The following UNC80 variants were observed in gnomAD, a reference collection of about 807,000 sequenced individuals.
UNC80 encodes protein unc-80 homolog.
Under a neutral mutation model 384.6 loss-of-function variants are expected in UNC80, and 164 were observed. The observed-to-expected ratio is 0.43, with a 90% CI of 0.38 to 0.49. The LOEUF is 0.49. Ranked by LOEUF, UNC80 falls within the 20% of genes least tolerant of loss-of-function variation. The pLI, the probability that UNC80 is intolerant of heterozygous loss-of-function variation, is 0.00. For missense variants in UNC80, 3,330 were observed against 4,143.0 expected, an observed-to-expected ratio of 0.80 and a Z score of 5.39; for synonymous variants, 1,486 against 1,527.8, an observed-to-expected ratio of 0.97 and a Z score of 0.64.
chr2:209,818,385 T>A (rs536543322), intron 11 of UNC80, among the ~76,000 whole-genome samples: 1 of 152,222 alleles, frequency 6.6e-6, no homozygotes, highest in South Asian at 2.1e-4. Context: ...TTCTTGTGTG[T>A]TTTGTGTGCA....
chr2:209,848,222 A>AT (rs1170671078), intron 21 of UNC80, among the ~76,000 whole-genome samples: 1 of 151,940 alleles, frequency 6.6e-6, no homozygotes, highest in Non-Finnish European at 1.5e-5. Flanking sequence ...TCTTTGTATC[A>AT]TTTGAGATTT....
intron 4 of UNC80, among the ~76,000 whole-genome samples, chr2:209,777,811 A>G (rs577381829): frequency 6.6e-6 from 1 of 152,200 alleles, no homozygotes; most frequent in South Asian, 2.1e-4. Flanking sequence ...CATATTAAGC[A>G]TAGAATAAAA....
chr2:209,785,204 C>T (rs931552380), intron 4 of UNC80, among the ~76,000 whole-genome samples: 4 of 152,104 alleles, frequency 2.6e-5, no homozygotes, highest in Non-Finnish European at 1.5e-5. Context: ...TAAGTGAGTT[C>T]CTGGGTCTCA....
chr2:209,916,338 G>A (rs371041053), intron 31 of UNC80, among the ~76,000 whole-genome samples: 42 of 152,304 alleles, frequency 2.8e-4, no homozygotes, highest in South Asian at 4.1e-4. Context: ...TCAAGCTGTG[G>A]AAGCAAAGGA....
intron 28 of UNC80, among the ~76,000 whole-genome samples, chr2:209,896,833 G>T (rs2086845607): frequency 1.3e-5 from 2 of 152,116 alleles, no homozygotes; most frequent in African/African-American, 4.8e-5. Flanking sequence ...ACTCTAAGAT[G>T]GTGAATGTCG....
intron 28 of UNC80, among the ~76,000 whole-genome samples, 189 bp downstream of exon 28, chr2:209,896,602 T>C (rs2086819204): frequency 6.6e-6 from 1 of 152,132 alleles, no homozygotes; most frequent in Non-Finnish European, 1.5e-5. Flanking sequence ...ATTGTACTCA[T>C]CTTAAGCTTA....
At position 209,936,897 on chromosome 2, in the gene UNC80, T is replaced by C. The variant is rs1275398565; in HGVS notation, c.6327T>C (p.Leu2109=). 2 of 1,551,124 alleles carry C rather than the reference T, an allele frequency of 1.3e-6. No individual in the cohort carries two copies. The highest frequency in any genetic ancestry group is 1.2e-5 in the South Asian group (1 of 84,050). ...IPESQSTHYF[L]MDKRWNLIHY... ...AATCCCAGTCAACACATTATTTTCT[T>C]ATGGATAAACGATGGAACCTTATCC... Residue 2109 remains leucine, a synonymous_variant, in exon 41 of 65, where the codon CTT becomes CTC. Transcript: ENST00000673920.
chr2:209,917,830 C>G lies in UNC80; in HGVS notation c.5083C>G (p.Leu1695Val), dbSNP rs2089683020. ...VKVPEAVSDMLMSEFHHPETV... is the reference protein window; with the variant it reads ...VKVPEAVSDMVMSEFHHPETV... ...GGTGCCTGAGGCCGTGTCCGACATG[C>G]TGATGTCAGAGTTCCACCACCCGGA... is the stretch of plus-strand genomic sequence containing the variant. Residue 1695 changes from leucine (L) to valine (V), a missense_variant, in exon 32 of 65, where the codon CTG becomes GTG. Around this residue, in one of 8 missense-constraint regions of UNC80, gnomAD observed 801 missense variants for 950.8 expected, o/e 0.84. Transcript: ENST00000673920. The G allele has an allele frequency of 1.9e-6, 3 of 1,552,138 alleles. No individual in the cohort carries two copies. Among genetic ancestry groups the G allele is most frequent in the Non-Finnish European group, 2.6e-6 (3 of 1,147,066 alleles).
intron 4 of UNC80, among the ~76,000 whole-genome samples, chr2:209,785,088 A>C (rs948194713): frequency 7.2e-5 from 11 of 152,124 alleles, no homozygotes; most frequent in African/African-American, 2.7e-4. Context: ...TCAGGATTCT[A>C]ATTTAATGGG....
chr2:209,974,119 A>G (rs559388596), intron 56 of UNC80, among the ~76,000 whole-genome samples: 3 of 152,332 alleles, frequency 2.0e-5, no homozygotes, highest in East Asian at 3.9e-4. Flanking sequence ...GTCTTGCCTG[A>G]TATTTTTCAA....
rs370771331 is a variant in UNC80 at position 209,994,125 on chromosome 2, C to T, written c.9569C>T (p.Thr3190Ile). The T allele has an allele frequency of 1.1e-4, 169 of 1,551,746 alleles. No individual in the cohort carries two copies. In the African/African-American group the frequency reaches 2.2e-3, roughly 21 times the overall value. ...EAQPEPAAAP[T>I]DALPATGQLQ... ...CAGCCAGAGCCAGCAGCTGCCCCAA[C>T]AGATGCGCTTCCTGCAACAGGCCAA... The change falls in exon 64 of 65, where the codon ACA becomes ATA. Residue 3190 changes from threonine to isoleucine, a missense_variant. This residue lies in a region of UNC80 where 236 missense variants were observed against 254.9 expected (regional missense o/e 0.93). Transcript: ENST00000673920.
In UNC80 at chr2:209,973,252, A is replaced by G. The variant is rs2092928023; in HGVS notation, c.8569A>G (p.Ser2857Gly). 1 of 1,551,572 alleles carries G rather than the reference A, an allele frequency of 6.4e-7. No homozygotes were observed. The highest frequency in any genetic ancestry group is 1.4e-5 in the African/African-American group (1 of 73,048). Residue 2857 changes from serine to glycine, a missense_variant, in exon 56 of 65, where the codon AGC becomes GGC. By Grantham distance (56) the Ser-to-Gly change is moderately conservative. Transcript: ENST00000673920. The part of the protein sequence containing the change: ...LRREGLAEST[S>G]QAAYLALKVI... ...CAGGGAAGGGCTGGCTGAGTCCACC[A>G]GCCAAGCAGCATACTTGGGTTGGTA...
intron 6 of UNC80, 34 bp downstream of exon 6, chr2:209,789,639 C>A: frequency 6.8e-7 from 1 of 1,473,914 alleles, no homozygotes; most frequent in Non-Finnish European, 9.5e-7. Context: ...AGAAGGGAGG[C>A]AGAAAGTCCT....
chr2:209,893,529 G>A (rs1214030509), intron 26 of UNC80, among the ~76,000 whole-genome samples: 2 of 152,152 alleles, frequency 1.3e-5, no homozygotes, highest in Non-Finnish European at 2.9e-5. Context: ...GCTCGGGGGG[G>A]TTGCACCATT....
In UNC80 at chr2:209,826,060, G is replaced by A; in HGVS notation, c.2478+7G>A. On this transcript the variant is annotated splice_region_variant and intron_variant, in intron 14 of 64. Coordinates refer to ENST00000673920, the MANE Select transcript of UNC80 (RefSeq NM_001371986.1). ...CCAGGTATTCCGAGAGAATGTAAGA[G>A]AATTAAAGTAGATTCCATTTCCTCT... is the stretch of plus-strand genomic sequence containing the variant. 1.9e-6 allele frequency: 3 copies of A among 1,544,844 alleles called. No individual in the cohort carries two copies. The highest frequency in any genetic ancestry group is 2.6e-6 in the Non-Finnish European group (3 of 1,144,318).
At chr2:209,931,364 AACACACACACACACACACACACACAC>A (rs61386739) in intron 38 of UNC80, among the ~76,000 whole-genome samples, 2 of 125,474 alleles carry the variant, frequency 1.6e-5, no homozygotes, top group African/African-American at 5.9e-5. Context: ...TCTATGTTTA[AACACACACACACACACACACACACAC>A]ACACACACAC....
intron 16 of UNC80, among the ~76,000 whole-genome samples, chr2:209,832,070 G>T (rs375650764): frequency 6.6e-5 from 10 of 152,112 alleles, no homozygotes; most frequent in African/African-American, 2.2e-4. Flanking sequence ...AACCACTGAA[G>T]TCACAATAGG....
intron 44 of UNC80, among the ~76,000 whole-genome samples, chr2:209,942,926 T>C (rs1443510566): frequency 6.6e-6 from 1 of 152,134 alleles, no homozygotes; most frequent in Non-Finnish European, 1.5e-5. Context: ...AGTTTTTTCA[T>C]ATAACACTAA....
chr2:209,932,711 A>G (rs1242764179), intron 38 of UNC80, among the ~76,000 whole-genome samples: 1 of 152,210 alleles, frequency 6.6e-6, no homozygotes, highest in Non-Finnish European at 1.5e-5. Flanking sequence ...CCATTATTCT[A>G]GTGCACACAA....
Sources: gnomAD v4.1 joint callset for allele counts (sites outside exome capture counted in the v4.1 genomes callset) on GRCh38, gnomAD v4.1.1 for gene constraint, gnomAD v4.1.1 regional missense constraint, MANE v1.5 for transcripts, NCBI Gene and HGNC (gene_info 2026-07-23, HGNC 2026-07-21) for gene names.